Variants in RBP7 observed in about 807,000 individuals in gnomAD.
RBP7 encodes retinoid-binding protein 7.
A neutral mutation model predicts 16.7 loss-of-function variants in RBP7; 13 were observed. The observed-to-expected ratio is 0.78, with a 90% CI of 0.51 to 1.24. The LOEUF (loss-of-function observed/expected upper bound fraction) is 1.24, where lower values mean the gene tolerates loss of function less well. Among genes scored for constraint, RBP7 ranks in the 50% most tolerant of loss-of-function variants. The pLI is 0.00. For missense variants in RBP7, 145 were observed against 159.5 expected, an observed-to-expected ratio of 0.91 and a Z score of 0.49; for synonymous variants, 54 against 56.2, an observed-to-expected ratio of 0.96 and a Z score of 0.17.
chr1:10,013,601 G>A (rs528679498), intron 3 of RBP7, among the ~76,000 whole-genome samples: 1 of 152,148 alleles, frequency 6.6e-6, no homozygotes, highest in Non-Finnish European at 1.5e-5. Context: ...CTGACGTTAG[G>A]AGTTGGAAAC....
Position 10,007,559 on chromosome 1 carries a change from T to A in RBP7, c.74-11T>A. The A allele has an allele frequency of 6.5e-7, 1 of 1,541,596 alleles. No individual in the cohort carries two copies. Reference sequence around the variant, plus strand: ...GCGAATGTTCAAATATTTTTAAAAATTATTTTTAAGGTATTGACTTTGCCA... The same window carrying A: ...GCGAATGTTCAAATATTTTTAAAAAATATTTTTAAGGTATTGACTTTGCCA... On this transcript the variant is annotated splice_polypyrimidine_tract_variant and intron_variant, in intron 1 of 3. Coordinates refer to ENST00000294435, the MANE Select transcript of RBP7 (RefSeq NM_052960.3).
At chr1:10,013,070 C>T (rs1459817151) in intron 3 of RBP7, among the ~76,000 whole-genome samples, 1 of 142,416 alleles carries the variant, frequency 7.0e-6, no homozygotes, top group Non-Finnish European at 1.5e-5. Flanking sequence ...TCTTACTTAC[C>T]ATGATTTTTT....
At chr1:10,001,268 G>T (rs1642271000) in intron 1 of RBP7, among the ~76,000 whole-genome samples, 1 of 152,156 alleles carries the variant, frequency 6.6e-6, no homozygotes, top group South Asian at 2.1e-4. Context: ...CCAAACCGCA[G>T]TGAGAAGAAA....
At chr1:10,008,309 C>G (rs765434329) in intron 3 of RBP7, 35 bp downstream of exon 3, 18 of 1,399,384 alleles carry the variant, frequency 1.3e-5, no homozygotes, top group Non-Finnish European at 1.7e-5. Flanking sequence ...TGAGATGATA[C>G]AGTATTAAAG....
At chr1:10,005,619 AGT>A (rs1642418479) in intron 1 of RBP7, among the ~76,000 whole-genome samples, 1 of 151,034 alleles carries the variant, frequency 6.6e-6, no homozygotes, top group Non-Finnish European at 1.5e-5. Flanking sequence ...GCTGGAGTGC[AGT>A]CGCACGATCT....
intron 1 of RBP7, among the ~76,000 whole-genome samples, chr1:10,000,208 A>G (rs1433151400): frequency 2.0e-5 from 3 of 151,772 alleles, no homozygotes; most frequent in African/African-American, 7.3e-5. Context: ...AGCCAGGGAG[A>G]CAAAGCAAGA....
At position 10,013,863 on chromosome 1, in the gene RBP7, C is replaced by T. The variant is rs953210728; in HGVS notation, c.355-1919C>T. 5.9e-5 allele frequency among the ~76,000 whole-genome samples: 9 copies of T among 152,036 alleles called. No individual in the cohort carries two copies. The East Asian group carries it at 1.7e-3, about 30-fold the overall frequency. Reference sequence around the variant, plus strand: ...TGGTGATGGGTGCCTGTAGTCCCAGCTACTTGGGTGGCTGAGGTGGGAGGA... The same window carrying T: ...TGGTGATGGGTGCCTGTAGTCCCAGTTACTTGGGTGGCTGAGGTGGGAGGA... On this transcript the variant is annotated intron_variant, in intron 3 of 3. Transcript: ENST00000294435.
At chr1:10,005,948 G>A (rs983914119) in intron 1 of RBP7, among the ~76,000 whole-genome samples, 3 of 152,046 alleles carry the variant, frequency 2.0e-5, no homozygotes, top group East Asian at 1.9e-4. Flanking sequence ...CAGAGTTCCC[G>A]AAACACACTG....
At chr1:10,000,474 C>A (rs1293751221) in intron 1 of RBP7, among the ~76,000 whole-genome samples, 4 of 151,588 alleles carry the variant, frequency 2.6e-5, no homozygotes, top group Non-Finnish European at 4.4e-5. Flanking sequence ...GTGGAGGTTG[C>A]AGTGAGCCCA....
At chr1:10,013,284 G>C (rs1334670672) in intron 3 of RBP7, among the ~76,000 whole-genome samples, 1 of 151,920 alleles carries the variant, frequency 6.6e-6, no homozygotes, top group African/African-American at 2.4e-5. Context: ...TGCTGGTCAG[G>C]CTGGTCTCAA....
At chr1:10,001,891 C>T (rs893095511) in intron 1 of RBP7, among the ~76,000 whole-genome samples, 2 of 151,910 alleles carry the variant, frequency 1.3e-5, no homozygotes, top group Non-Finnish European at 2.9e-5. Context: ...TGCAGTGGCA[C>T]GGATCTTGGC....
chr1:9,997,718 G>C lies in RBP7; in HGVS notation c.73+387G>C, dbSNP rs1180020742. ...GCAGACTCGGGGTCCGGCCGGGGAG[G>C]GGGGTCCGGCCGGGGAGGGGGCGCC... On this transcript the variant is annotated intron_variant, in intron 1 of 3. Transcript: ENST00000294435. This position sits in a 1 kb window ranked among gnomAD's most constrained non-coding sequence, Gnocchi z 5.9. 3.3e-5 allele frequency among the ~76,000 whole-genome samples: 5 copies of C among 151,876 alleles called. No individual in the cohort carries two copies. The highest frequency in any genetic ancestry group is 1.2e-4 in the African/African-American group (5 of 41,450).
chr1:10,008,277 A>G lies in RBP7; in HGVS notation c.354+3A>G. ...TCGAAGGAGACAAACTCCACCTGGT[A>G]TCCACCACATTTTGTTCTTAATGAG... On this transcript the variant is annotated splice_donor_region_variant and intron_variant, in intron 3 of 3. Coordinates refer to ENST00000294435, the MANE Select transcript of RBP7 (RefSeq NM_052960.3). 6.3e-7 allele frequency: 1 copy of G among 1,578,034 alleles called. No homozygotes were observed. The highest frequency in any genetic ancestry group is 8.7e-7 in the Non-Finnish European group (1 of 1,147,634).
chr1:10,000,097 C>T (rs1255137361), intron 1 of RBP7, among the ~76,000 whole-genome samples: 1 of 151,420 alleles, frequency 6.6e-6, no homozygotes, highest in African/African-American at 2.4e-5. Context: ...GGCATGATGG[C>T]ATGCACCTGT....
In RBP7 at chr1:9,997,565, CT is replaced by C. The variant is rs1192199950; in HGVS notation, c.73+235del. The stretch of plus-strand genomic sequence containing the variant: ...TCCTTTCCCGCGCCCACCCGCCCCC[CT>C]GTCCCCACGGCCGTCTCTCCACGCC... On this transcript the variant is annotated intron_variant, in intron 1 of 3. Transcript: ENST00000294435. This position sits in a 1 kb window ranked among gnomAD's most constrained non-coding sequence, Gnocchi z 5.9. Among the ~76,000 whole-genome samples the C allele has an allele frequency of 1.3e-5, 2 of 151,992 alleles. No individual in the cohort carries two copies. Among genetic ancestry groups the C allele is most frequent in the Non-Finnish European group, 2.9e-5 (2 of 67,962 alleles).
chr1:9,999,753 G>T (rs1642230958), intron 1 of RBP7, among the ~76,000 whole-genome samples: 1 of 150,926 alleles, frequency 6.6e-6, no homozygotes, highest in Non-Finnish European at 1.5e-5. Flanking sequence ...TTGTTAAAGT[G>T]CTAAGTACTT....
intron 1 of RBP7, among the ~76,000 whole-genome samples, chr1:10,003,747 ATATTT>A (rs1032693163): frequency 1.2e-4 from 19 of 152,076 alleles, no homozygotes; most frequent in African/African-American, 4.3e-4. Flanking sequence ...ATTGCCTCAC[ATATTT>A]TATTTTATTT....
At position 9,997,472 on chromosome 1, in the gene RBP7, G is replaced by A; in HGVS notation, c.73+141G>A. ...CGCCCACCGTCGCCCAGTCGCCCCC[G>A]AGTCCGCTGGTCCTTGGCGCCTCCG... On this transcript the variant is annotated intron_variant, in intron 1 of 3. Coordinates refer to ENST00000294435, the MANE Select transcript of RBP7 (RefSeq NM_052960.3). The surrounding 1 kb of genome is among the most constrained non-coding windows in gnomAD (Gnocchi z 5.9). 1.4e-6 allele frequency: 1 copy of A among 740,558 alleles called. No individual in the cohort carries two copies. Among genetic ancestry groups the A allele is most frequent in the Non-Finnish European group, 2.2e-6 (1 of 452,730 alleles). The allele number at this position is 740,558 out of a possible 1,614,324, so 45.9% of individuals were successfully genotyped here. A position where few individuals can be genotyped will look rare whatever the true frequency, so the allele number is the denominator to read the frequency against.
intron 1 of RBP7, among the ~76,000 whole-genome samples, chr1:10,004,615 C>G (rs1023407165): frequency 3.3e-5 from 5 of 152,214 alleles, no homozygotes; most frequent in Non-Finnish European, 2.9e-5. Context: ...CCGCCTCGGC[C>G]TCCCGAAGTG....
Sources: allele counts gnomAD v4.1 joint callset (sites outside exome capture counted in the v4.1 genomes callset), GRCh38; gene constraint gnomAD v4.1.1; non-coding constraint Gnocchi (gnomAD v3.1); transcripts MANE v1.5; gene names NCBI Gene and HGNC (gene_info 2026-07-23, HGNC 2026-07-21).